Variants in COL25A1 observed in about 807,000 individuals in gnomAD.
COL25A1 encodes the protein collagen alpha-1(XXV) chain.
Under a neutral mutation model 128.4 loss-of-function variants are expected in COL25A1, and 103 were observed. That is an observed-to-expected ratio of 0.80 (90% CI 0.68 to 0.94). The LOEUF is 0.94. Ranked by LOEUF, COL25A1 falls within the 40% of genes least tolerant of loss-of-function variation. The pLI is 0.00. For synonymous variants in COL25A1, 279 were observed against 277.2 expected (o/e 1.01, Z -0.06); for missense variants, 745 against 840.0 (o/e 0.89, Z 1.40).
At chr4:108,946,635 A>C (rs1748789273) in intron 8 of COL25A1, among the ~76,000 whole-genome samples, 1 of 152,170 alleles carries the variant, frequency 6.6e-6, no homozygotes, top group South Asian at 2.1e-4. Flanking sequence ...TTTACCATCT[A>C]GTGGAGAAAT....
At chr4:108,963,036 CT>C (rs1750906990) in intron 8 of COL25A1, among the ~76,000 whole-genome samples, 1 of 152,188 alleles carries the variant, frequency 6.6e-6, no homozygotes, top group African/African-American at 2.4e-5. Context: ...TGAAAGGATG[CT>C]GCTGTCTGGC....
At chr4:109,243,734 G>C (rs1464404140) in intron 3 of COL25A1, among the ~76,000 whole-genome samples, 1 of 151,998 alleles carries the variant, frequency 6.6e-6, no homozygotes, top group East Asian at 1.9e-4. Context: ...TTCTCTGAGA[G>C]TGAGATTTTT....
intron 3 of COL25A1, among the ~76,000 whole-genome samples, chr4:109,271,961 G>T (rs1782227576): frequency 6.6e-6 from 1 of 152,136 alleles, no homozygotes; most frequent in African/African-American, 2.4e-5. Flanking sequence ...AATCAAGGGT[G>T]GGCATGGTGG....
At position 108,896,170 on chromosome 4, in the gene COL25A1, G is replaced by A. The variant is rs536059195; in HGVS notation, c.906+497C>T. 3.3e-5 allele frequency among the ~76,000 whole-genome samples: 5 copies of A among 151,490 alleles called. No homozygotes were observed. In the South Asian group the frequency reaches 1.0e-3, roughly 32 times the overall value. On this transcript the variant is annotated intron_variant, in intron 16 of 37. Transcript: ENST00000399132. Reference sequence around the variant, plus strand: ...TCACTGTGTTAGCCAGGATGGTCTCGATCTGCTGACCTCATGATCCACCCG... The same window carrying A: ...TCACTGTGTTAGCCAGGATGGTCTCAATCTGCTGACCTCATGATCCACCCG...
At chr4:108,886,280 T>G (rs1370553645) in intron 18 of COL25A1, among the ~76,000 whole-genome samples, 1 of 152,008 alleles carries the variant, frequency 6.6e-6, no homozygotes, top group Admixed American at 6.6e-5. Context: ...TTAGAAAGAC[T>G]TTTTTTTCCT....
chr4:109,292,806 T>C (rs1360813470), intron 3 of COL25A1, among the ~76,000 whole-genome samples: 1 of 151,996 alleles, frequency 6.6e-6, no homozygotes, highest in East Asian at 1.9e-4. Flanking sequence ...AGAAAAGCAG[T>C]TATTTAAGAA....
chr4:108,984,951 C>G (rs1349613482), intron 6 of COL25A1, among the ~76,000 whole-genome samples: 2 of 152,206 alleles, frequency 1.3e-5, no homozygotes, highest in Non-Finnish European at 2.9e-5. Context: ...TGAAGGGCCC[C>G]TAAGCACAAC....
At chr4:109,122,568 A>T (rs1331261029) in intron 3 of COL25A1, among the ~76,000 whole-genome samples, 1 of 152,054 alleles carries the variant, frequency 6.6e-6, no homozygotes, top group Non-Finnish European at 1.5e-5. Flanking sequence ...GTGCTATAGG[A>T]ATTAGGAAAG....
chr4:109,244,973 A>C (rs1365595870), intron 3 of COL25A1, among the ~76,000 whole-genome samples: 1 of 152,162 alleles, frequency 6.6e-6, no homozygotes, highest in African/African-American at 2.4e-5. Flanking sequence ...AATACACTGG[A>C]TAACTTTAAA....
At chr4:109,194,950 AT>A (rs1775905161) in intron 3 of COL25A1, among the ~76,000 whole-genome samples, 1 of 152,212 alleles carries the variant, frequency 6.6e-6, no homozygotes, top group East Asian at 1.9e-4. Context: ...ACAACTGTAC[AT>A]TTTAAAATAA....
chr4:109,196,203 G>T lies in COL25A1; in HGVS notation c.367+104380C>A, dbSNP rs542071278. Among the ~76,000 whole-genome samples, 3 of 152,188 alleles carry T rather than the reference G, an allele frequency of 2.0e-5. No homozygotes were observed. The South Asian group carries it at 6.2e-4, about 32-fold the overall frequency. ...GAGACCTCAGGCAATCACCATTGCA[G>T]TGTTGAAAGGAAATGCAATCAGACA... On this transcript the variant is annotated intron_variant, in intron 3 of 37. Coordinates refer to ENST00000399132, the MANE Select transcript of COL25A1 (RefSeq NM_198721.4).
chr4:108,869,180 A>T (rs772566342), intron 19 of COL25A1, 30 bp from the exon 20 acceptor site: 1 of 1,054,356 alleles, frequency 9.5e-7, no homozygotes, highest in Non-Finnish European at 1.4e-6. Context: ...TGAGATCATT[A>T]ATCATTTGAC....
chr4:108,929,912 G>T (rs569679919), intron 11 of COL25A1, among the ~76,000 whole-genome samples: 2 of 152,060 alleles, frequency 1.3e-5, no homozygotes, highest in East Asian at 3.9e-4. Flanking sequence ...CCTACCCTTG[G>T]GGCATAATGA....
chr4:108,868,757 A>T, intron 20 of COL25A1, among the ~76,000 whole-genome samples: 1 of 147,416 alleles, frequency 6.8e-6, no homozygotes, highest in South Asian at 2.2e-4. Context: ...GGAGGAAGAA[A>T]GTAAAAGGAA....
At chr4:109,019,349 TACACACACAC>T (rs758326280) in intron 5 of COL25A1, among the ~76,000 whole-genome samples, 1 of 54,296 alleles carries the variant, frequency 1.8e-5, no homozygotes, top group Non-Finnish European at 3.0e-5. Flanking sequence ...TACACACACA[TACACACACAC>T]ACACACACAC....
chr4:109,113,980 A>C lies in COL25A1; in HGVS notation c.368-63801T>G, dbSNP rs916176535. Among the ~76,000 whole-genome samples, 15 of 152,182 alleles carry C rather than the reference A, an allele frequency of 9.9e-5. No homozygotes were observed. The East Asian group carries it at 1.9e-3, about 20-fold the overall frequency. On this transcript the variant is annotated intron_variant, in intron 3 of 37. Transcript: ENST00000399132. ...TAAGCGCTAAATGAGAAAATATATT[A>C]AGCACCTAGCTGAAGGTCTTGCATG...
intron 5 of COL25A1, among the ~76,000 whole-genome samples, chr4:109,047,091 G>A (rs536454417): frequency 2.0e-5 from 3 of 152,250 alleles, no homozygotes; most frequent in South Asian, 2.1e-4. Flanking sequence ...TCTTTATGCA[G>A]GCAAAACTCC....
chr4:108,841,656 G>GAAGC (rs36014851), intron 31 of COL25A1, 39 bp downstream of exon 31: 1 of 1,559,464 alleles, frequency 6.4e-7, no homozygotes, highest in East Asian at 2.2e-5. Context: ...GATTATCAAG[G>GAAGC]AAGCAGAAAT....
intron 3 of COL25A1, among the ~76,000 whole-genome samples, chr4:109,174,327 C>T (rs540988818): frequency 6.7e-6 from 1 of 150,022 alleles, no homozygotes; most frequent in East Asian, 2.2e-4. Context: ...AGCTCCCCCT[C>T]CCCATTCTGT....
Sources: allele counts gnomAD v4.1 joint callset (sites outside exome capture counted in the v4.1 genomes callset), GRCh38; gene constraint gnomAD v4.1.1; transcripts MANE v1.5; gene names NCBI Gene and HGNC (gene_info 2026-07-23, HGNC 2026-07-21).